PHACTR3: variants seen among roughly 807,000 people sequenced by gnomAD.
PHACTR3 encodes the protein protein phosphatase 1, regulatory subunit 123.
A neutral mutation model predicts 66.8 loss-of-function variants in PHACTR3; 16 were observed. The ratio of observed to expected loss-of-function variants is 0.24; its 90% CI spans 0.16 to 0.36. PHACTR3 has a LOEUF of 0.36. PHACTR3 is among the 10% of genes least tolerant of loss of function. The pLI is 1.00. For synonymous variants in PHACTR3, 323 were observed against 292.1 expected, an observed-to-expected ratio of 1.11 and a Z score of -1.08; for missense variants, 647 against 719.9, an observed-to-expected ratio of 0.90 and a Z score of 1.16.
intron 1 of PHACTR3, among the ~76,000 whole-genome samples, chr20:59,687,362 A>C (rs543893048): frequency 1.3e-5 from 2 of 152,260 alleles, no homozygotes; most frequent in African/African-American, 4.8e-5. Context: ...CTTGTAGTAG[A>C]TTTGAAAAAG....
At chr20:59,702,564 C>T (rs2037545043) in intron 1 of PHACTR3, among the ~76,000 whole-genome samples, 2 of 152,214 alleles carry the variant, frequency 1.3e-5, no homozygotes, top group African/African-American at 4.8e-5. Context: ...TCTGAAGTGG[C>T]CTTGCCTGTT....
intron 2 of PHACTR3, among the ~76,000 whole-genome samples, chr20:59,747,516 A>G (rs558582514): frequency 1.2e-3 from 177 of 152,336 alleles, no homozygotes; most frequent in African/African-American, 4.1e-3. Flanking sequence ...AAATCACAGA[A>G]ATGATCGCTG....
chr20:59,622,146 A>AT (rs113981336), intron 1 of PHACTR3, among the ~76,000 whole-genome samples: 6,879 of 144,420 alleles, frequency 0.048, 470 homozygotes, highest in East Asian at 0.35. Flanking sequence ...ACTTCCCCTG[A>AT]TTTTTTTTTT....
chr20:59,746,592 C>G (rs2039381922), intron 2 of PHACTR3, among the ~76,000 whole-genome samples: 1 of 152,252 alleles, frequency 6.6e-6, no homozygotes, highest in African/African-American at 2.4e-5. Flanking sequence ...ATAGCAGGTG[C>G]TCAGGAAATG....
At chr20:59,802,789 G>A (rs568343421) in intron 7 of PHACTR3, among the ~76,000 whole-genome samples, 1 of 152,356 alleles carries the variant, frequency 6.6e-6, no homozygotes, top group Admixed American at 6.5e-5. Context: ...ATTTGCTGGA[G>A]TTGGACTAGA....
At chr20:59,743,916 C>G (rs1337187805) in intron 2 of PHACTR3, among the ~76,000 whole-genome samples, 1 of 152,210 alleles carries the variant, frequency 6.6e-6, no homozygotes, top group Admixed American at 6.5e-5. Flanking sequence ...CTCCACTCAC[C>G]TCCTGCTGCC....
intron 1 of PHACTR3, among the ~76,000 whole-genome samples, chr20:59,615,476 G>A (rs893894264): frequency 1.3e-5 from 2 of 152,162 alleles, no homozygotes; most frequent in Admixed American, 6.5e-5. Context: ...AAATGACAGG[G>A]CACATATGTA....
At chr20:59,747,973 T>A in intron 3 of PHACTR3, 138 bp downstream of exon 3, 1 of 883,922 alleles carries the variant, frequency 1.1e-6, no homozygotes, top group Non-Finnish European at 1.7e-6. Context: ...CCTGCAAGGT[T>A]GGAGAGACAC....
intron 1 of PHACTR3, among the ~76,000 whole-genome samples, chr20:59,663,653 A>T (rs2035891630): frequency 6.6e-6 from 1 of 152,176 alleles, no homozygotes; most frequent in South Asian, 2.1e-4. Context: ...GAGCAGGCTG[A>T]CTGACGATGC....
chr20:59,763,840 G>A (rs1228891133), intron 4 of PHACTR3, among the ~76,000 whole-genome samples: 1 of 152,212 alleles, frequency 6.6e-6, no homozygotes, highest in African/African-American at 2.4e-5. Flanking sequence ...CGGGAAGCCA[G>A]AGGGGAAAGT....
At chr20:59,579,239 T>G (rs2146296860) in intron 1 of PHACTR3, among the ~76,000 whole-genome samples, 1 of 152,384 alleles carries the variant, frequency 6.6e-6, no homozygotes, top group African/African-American at 2.4e-5. Context: ...CTGTTCCTTG[T>G]GCTCCTCAGT....
At chr20:59,678,221 T>C (rs927767440) in intron 1 of PHACTR3, among the ~76,000 whole-genome samples, 3 of 152,326 alleles carry the variant, frequency 2.0e-5, no homozygotes, top group South Asian at 2.1e-4. Flanking sequence ...GTCTATATTA[T>C]ACACCTTCAG....
chr20:59,840,824 C>T (rs866805125), intron 10 of PHACTR3, among the ~76,000 whole-genome samples: 2 of 152,178 alleles, frequency 1.3e-5, no homozygotes, highest in African/African-American at 4.8e-5. Context: ...TCTAGAAGTT[C>T]CTCAGTTGCA....
At chr20:59,766,655 A>G (rs2040191326) in intron 4 of PHACTR3, among the ~76,000 whole-genome samples, 1 of 152,282 alleles carries the variant, frequency 6.6e-6, no homozygotes, top group Non-Finnish European at 1.5e-5. Context: ...CTAGGCTGGC[A>G]TGCCAGATGT....
chr20:59,751,915 C>T (rs2039603989), intron 3 of PHACTR3, among the ~76,000 whole-genome samples: 1 of 152,162 alleles, frequency 6.6e-6, no homozygotes, highest in African/African-American at 2.4e-5. Context: ...CCCCCTTGCC[C>T]TGGTCCCCAG....
chr20:59,637,651 A>G (rs908716174), intron 1 of PHACTR3, among the ~76,000 whole-genome samples: 1 of 151,958 alleles, frequency 6.6e-6, no homozygotes, highest in African/African-American at 2.4e-5. Flanking sequence ...CAAATATGAA[A>G]TGATCCTTAA....
At chr20:59,622,985 A>AAAAAAAAAAAAAAAAAAAAAAAC (rs2034303624) in intron 1 of PHACTR3, among the ~76,000 whole-genome samples, 1 of 142,070 alleles carries the variant, frequency 7.0e-6, no homozygotes, top group Non-Finnish European at 1.5e-5. Context: ...TTTAACCAAA[A>AAAAAAAAAAAAAAAAAAAAAAAC]AAAAAAAAAA....
intron 4 of PHACTR3, among the ~76,000 whole-genome samples, chr20:59,759,014 G>A (rs1601287870): frequency 6.6e-6 from 1 of 152,160 alleles, no homozygotes; most frequent in African/African-American, 2.4e-5. Context: ...CGTTGTCATC[G>A]TCATTGTCAT....
At chr20:59,647,768 A>G (rs2035333250) in intron 1 of PHACTR3, among the ~76,000 whole-genome samples, 1 of 152,212 alleles carries the variant, frequency 6.6e-6, no homozygotes, top group African/African-American at 2.4e-5. Context: ...CTAAATCAGA[A>G]TTAAGCTCCC....
Sources: gnomAD v4.1 joint callset for allele counts (sites outside exome capture counted in the v4.1 genomes callset) on GRCh38, gnomAD v4.1.1 for gene constraint, MANE v1.5 for transcripts, NCBI Gene and HGNC (gene_info 2026-07-23, HGNC 2026-07-21) for gene names.